CTNNA2: variants seen among roughly 807,000 people sequenced by gnomAD.
CTNNA2 encodes the protein catenin alpha-2.
A neutral mutation model predicts 101.0 loss-of-function variants in CTNNA2; 42 were observed. The observed-to-expected ratio is 0.42, with a 90% CI of 0.32 to 0.54. CTNNA2 has a LOEUF of 0.54. Among genes scored for constraint, CTNNA2 ranks in the 20% least tolerant of loss-of-function variants. The pLI is 0.14. For missense variants in CTNNA2, 871 were observed against 1,223.1 expected, an observed-to-expected ratio of 0.71 and a Z score of 4.29; for synonymous variants, 450 against 456.4, an observed-to-expected ratio of 0.99 and a Z score of 0.18.
chr2:80,312,973 A>G (rs1677744422), intron 7 of CTNNA2, among the ~76,000 whole-genome samples: 1 of 152,224 alleles, frequency 6.6e-6, no homozygotes, highest in South Asian at 2.1e-4. Flanking sequence ...AAACACTCTC[A>G]TTGAATTGAG....
intron 7 of CTNNA2, among the ~76,000 whole-genome samples, chr2:80,345,923 G>A (rs369272719): frequency 1.3e-5 from 2 of 152,220 alleles, no homozygotes; most frequent in East Asian, 3.9e-4. Flanking sequence ...ATTGTCTGTT[G>A]GATGATTGCT....
At chr2:79,369,030 A>G (rs1291274188) in intron 3 of CTNNA2, among the ~76,000 whole-genome samples, 1 of 152,044 alleles carries the variant, frequency 6.6e-6, no homozygotes. Context: ...AACACTAACT[A>G]TTAAAGTTTG....
chr2:80,375,605 C>A (rs1675875302), intron 7 of CTNNA2, among the ~76,000 whole-genome samples: 1 of 123,126 alleles, frequency 8.1e-6, no homozygotes, highest in Non-Finnish European at 1.6e-5. Context: ...CACTCTGTTG[C>A]CCAGGCTGGA....
intron 4 of CTNNA2, among the ~76,000 whole-genome samples, chr2:79,418,933 C>T (rs949486133): frequency 9.2e-5 from 14 of 152,080 alleles, no homozygotes; most frequent in African/African-American, 2.9e-4. Flanking sequence ...TTTATTAGCA[C>T]ATAGGTCATT....
chr2:79,447,142 G>A (rs1678841988), intron 4 of CTNNA2, among the ~76,000 whole-genome samples: 2 of 152,042 alleles, frequency 1.3e-5, no homozygotes, highest in Admixed American at 1.3e-4. Flanking sequence ...GTGTGTCCTT[G>A]TACCATCATT....
At chr2:79,886,380 C>G (rs1426632843) in intron 6 of CTNNA2, among the ~76,000 whole-genome samples, 1 of 151,984 alleles carries the variant, frequency 6.6e-6, no homozygotes, top group East Asian at 1.9e-4. Flanking sequence ...AATAGGAGAC[C>G]AATCCTGAAG....
At chr2:79,865,331 T>C (rs562178376) in intron 4 of CTNNA2, among the ~76,000 whole-genome samples, 1 of 152,354 alleles carries the variant, frequency 6.6e-6, no homozygotes, top group South Asian at 2.1e-4. Flanking sequence ...GGGTCTTACA[T>C]GCATTCATTC....
chr2:80,393,466 G>A (rs1233457561), intron 8 of CTNNA2, among the ~76,000 whole-genome samples, 175 bp downstream of exon 8: 2 of 152,128 alleles, frequency 1.3e-5, no homozygotes, highest in Non-Finnish European at 2.9e-5. Context: ...GGACAGAGAC[G>A]AGCCAGTTGC....
In CTNNA2 at chr2:79,699,818, C is replaced by T. The variant is rs538847239; in HGVS notation, c.103-44569C>T. On this transcript the variant is annotated intron_variant, in intron 2 of 18. Coordinates refer to ENST00000402739, the MANE Select transcript of CTNNA2 (RefSeq NM_001282597.3). ...ACACACACACACACACACACACACACACACACACACACACGTGTGTGTATA... is the reference window on the plus strand; with the variant it reads ...ACACACACACACACACACACACACATACACACACACACACGTGTGTGTATA... Among the ~76,000 whole-genome samples, 10 of 145,898 alleles carry T rather than the reference C, an allele frequency of 6.9e-5. No individual in the cohort carries two copies. In the South Asian group the frequency reaches 1.9e-3, roughly 28 times the overall value.
At chr2:79,352,996 C>T (rs996500203) in intron 3 of CTNNA2, among the ~76,000 whole-genome samples, 2 of 152,002 alleles carry the variant, frequency 1.3e-5, no homozygotes, top group African/African-American at 4.8e-5. Flanking sequence ...ACAACCAGAC[C>T]CCTTGAGAAC....
At chr2:80,433,244 A>G (rs547108734) in intron 9 of CTNNA2, among the ~76,000 whole-genome samples, 47 of 152,148 alleles carry the variant, frequency 3.1e-4, no homozygotes, top group Non-Finnish European at 4.3e-4. Context: ...TGTAAACACC[A>G]TGCCAGCCAG....
chr2:80,528,452 T>C (rs1191036565), intron 9 of CTNNA2, among the ~76,000 whole-genome samples: 1 of 152,118 alleles, frequency 6.6e-6, no homozygotes, highest in African/African-American at 2.4e-5. Context: ...TGCCTCAGCC[T>C]CCCAAAGTGC....
chr2:79,521,417 G>A (rs966801264), intron 1 of CTNNA2, among the ~76,000 whole-genome samples: 6 of 151,886 alleles, frequency 4.0e-5, no homozygotes, highest in Non-Finnish European at 8.8e-5. Context: ...GAATGAGGAG[G>A]TTTTTGCCAA....
chr2:80,011,523 CTTCAAAAAAAGAACATCAACAT>C (rs1693781212), intron 7 of CTNNA2, among the ~76,000 whole-genome samples: 1 of 152,062 alleles, frequency 6.6e-6, no homozygotes, highest in South Asian at 2.1e-4. Context: ...AGAGATCTAA[CTTCAAAAAAAGAACATCAACAT>C]TCTAGCGCTA....
At chr2:80,344,058 A>G (rs186782048) in intron 7 of CTNNA2, among the ~76,000 whole-genome samples, 115 of 152,112 alleles carry the variant, frequency 7.6e-4, no homozygotes, top group African/African-American at 2.4e-3. Flanking sequence ...CTCTGCCCCA[A>G]CCTACCCTTG....
At chr2:79,449,064 C>T (rs1018956765) in intron 4 of CTNNA2, among the ~76,000 whole-genome samples, 2 of 151,948 alleles carry the variant, frequency 1.3e-5, no homozygotes, top group Non-Finnish European at 2.9e-5. Context: ...CAAGATAGTT[C>T]CTGTGACTCA....
chr2:80,545,910 A>T lies in CTNNA2; in HGVS notation c.1387A>T (p.Ile463Phe), dbSNP rs1480370997. The T allele has an allele frequency of 6.2e-7, 1 of 1,613,756 alleles. No individual in the cohort carries two copies. The highest frequency in any genetic ancestry group is 1.7e-5 in the Admixed American group (1 of 59,988). Residue 463 changes from isoleucine (I) to phenylalanine (F), a missense_variant, in exon 11 of 19, where the codon ATC becomes TTC. By Grantham distance (21) the Ile-to-Phe change is conservative. Coordinates refer to ENST00000402739, the MANE Select transcript of CTNNA2 (RefSeq NM_001282597.3). ...TQIDSLCPQV[I>F]NAALTLAARP... is the part of the protein sequence containing the mutation. ...CTGGATTGTTTCCAACAAATAGGTCATCAATGCCGCTCTGACACTGGCTGC... is the reference window on the plus strand; with the variant it reads ...CTGGATTGTTTCCAACAAATAGGTCTTCAATGCCGCTCTGACACTGGCTGC...
intron 2 of CTNNA2, among the ~76,000 whole-genome samples, chr2:79,237,499 T>C (rs910809689): frequency 2.6e-5 from 4 of 152,194 alleles, no homozygotes; most frequent in African/African-American, 9.6e-5. Flanking sequence ...CCTTAACAAA[T>C]TAGTCAGCTT....
chr2:79,536,461 A>G lies in CTNNA2; in HGVS notation c.-6+23254A>G, dbSNP rs1020754028. On this transcript the variant is annotated intron_variant, in intron 1 of 18. Transcript: ENST00000402739. The stretch of plus-strand genomic sequence containing the variant: ...TTCAGATACTCCAGATACCAGTAGT[A>G]CAATCTTAAAATTGCGAAACTGTGG... Among the ~76,000 whole-genome samples the G allele has an allele frequency of 2.0e-5, 3 of 152,164 alleles. 1 individual carries two copies. Among genetic ancestry groups the G allele is most frequent in the Admixed American group, 1.3e-4 (2 of 15,274 alleles).
Sources: gnomAD v4.1 joint callset for allele counts (sites outside exome capture counted in the v4.1 genomes callset) on GRCh38, gnomAD v4.1.1 for gene constraint, MANE v1.5 for transcripts, NCBI Gene and HGNC (gene_info 2026-07-23, HGNC 2026-07-21) for gene names.